PATJ: variants seen among roughly 807,000 people sequenced by gnomAD.
PATJ encodes the protein inaD-like protein.
PATJ carries 190 observed loss-of-function variants against 224.9 expected under a neutral mutation model. That is an observed-to-expected ratio of 0.84 (90% confidence interval 0.75 to 0.95). The LOEUF (loss-of-function observed/expected upper bound fraction) is 0.95, where lower values mean the gene tolerates loss of function less well. Ranked by LOEUF, PATJ falls within the 40% of genes least tolerant of loss-of-function variation. PATJ has a pLI of 0.00. For synonymous variants in PATJ, 769 were observed against 820.3 expected (o/e 0.94, Z 1.07); for missense variants, 2,121 against 2,270.3 (o/e 0.93, Z 1.34).
intron 18 of PATJ, among the ~76,000 whole-genome samples, chr1:61,858,895 C>CTAA (rs1570936129): frequency 6.6e-6 from 1 of 152,138 alleles, no homozygotes; most frequent in South Asian, 2.1e-4. Flanking sequence ...TAGCACATAG[C>CTAA]TAAGTAAGTT....
At chr1:62,014,605 T>A (rs185716587) in intron 28 of PATJ, among the ~76,000 whole-genome samples, 14 of 147,492 alleles carry the variant, frequency 9.5e-5, no homozygotes, top group African/African-American at 3.5e-4. Context: ...CTCACTGTGT[T>A]GCCCAGGCTA....
At position 61,921,236 on chromosome 1, in the gene PATJ, C is replaced by T. The variant is rs372599154; in HGVS notation, c.3571-6494C>T. 2.0e-5 allele frequency among the ~76,000 whole-genome samples: 3 copies of T among 152,248 alleles called. No homozygotes were observed. In the East Asian group the frequency reaches 5.8e-4, roughly 29 times the overall value. ...ACATGGGGGCCAGTCAAGACACTGA[C>T]TCCTTGAGGATTTAAGGAAAGAGTT... On this transcript the variant is annotated intron_variant, in intron 26 of 43. Coordinates refer to ENST00000642238, the MANE Select transcript of PATJ (RefSeq NM_001350145.3).
intron 33 of PATJ, among the ~76,000 whole-genome samples, chr1:62,107,700 G>T (rs141932652): frequency 3.3e-5 from 5 of 152,002 alleles, no homozygotes; most frequent in Non-Finnish European, 5.9e-5. Context: ...AATCCTATAC[G>T]TGGGTACATG....
chr1:62,090,565 T>G (rs6670989), intron 33 of PATJ, among the ~76,000 whole-genome samples: 26,579 of 152,162 alleles, frequency 0.17, 3,084 homozygotes, highest in Non-Finnish European at 0.26. Context: ...TAAGCTATTG[T>G]TATGTTTCTT....
chr1:61,805,516 G>C lies in PATJ; in HGVS notation c.1618G>C (p.Glu540Gln). The change falls in exon 13 of 44, where the codon GAA (glutamate) becomes CAA (glutamine). Residue 540 changes from glutamate to glutamine, a missense_variant. Coordinates refer to ENST00000642238, the MANE Select transcript of PATJ (RefSeq NM_001350145.3). The part of the protein sequence containing the change: ...RWENLLGPDY[E>Q]VMVATLDTQI... The stretch of plus-strand genomic sequence containing the variant: ...GGAAAACCTGTTGGGTCCTGATTAT[G>C]AAGTAATGGTATGTTAAAATGCTCT... The C allele has an allele frequency of 1.3e-6, 2 of 1,576,590 alleles. No homozygotes were observed. The highest frequency in any genetic ancestry group is 2.2e-5 in the South Asian group (2 of 90,298).
At chr1:61,908,684 A>G (rs1672194865) in intron 25 of PATJ, among the ~76,000 whole-genome samples, 1 of 152,092 alleles carries the variant, frequency 6.6e-6, no homozygotes, top group Middle Eastern at 3.2e-3. Flanking sequence ...GAGTCATTAC[A>G]GTGTGCATTG....
chr1:62,018,030 T>G lies in PATJ; in HGVS notation c.3959+83T>G. Reference sequence around the variant, plus strand: ...GTGTAAGACTATGTCATCTTTGATTTGTCTAGCGAAATCACTGTTCCTTCT... The same window carrying G: ...GTGTAAGACTATGTCATCTTTGATTGGTCTAGCGAAATCACTGTTCCTTCT... On this transcript the variant is annotated intron_variant, in intron 29 of 43. Coordinates refer to ENST00000642238, the MANE Select transcript of PATJ (RefSeq NM_001350145.3). The surrounding 1 kb of genome is among the most constrained non-coding windows in gnomAD (Gnocchi z 4.2). The G allele has an allele frequency of 1.4e-6, 1 of 736,894 alleles. No individual in the cohort carries two copies. The highest frequency in any genetic ancestry group is 2.5e-6 in the Non-Finnish European group (1 of 407,814). 45.6% of individuals were successfully genotyped at this position (736,894 alleles called of 1,614,324 possible).
At chr1:61,905,824 T>G (rs78963311) in intron 24 of PATJ, among the ~76,000 whole-genome samples, 39 of 152,264 alleles carry the variant, frequency 2.6e-4, no homozygotes, top group African/African-American at 9.4e-4. Flanking sequence ...CCCCATACAC[T>G]AAGCAGTTCT....
rs576862215 is a variant in PATJ at position 62,042,254 on chromosome 1, T to G, written c.4032+4205T>G. On this transcript the variant is annotated intron_variant, in intron 30 of 43. Transcript: ENST00000642238. ...ATGTTTCTATTGAACCATCACAATT[T>G]GATTATATTCTAGAGAGGGCTTTTT... is the stretch of plus-strand genomic sequence containing the variant. Among the ~76,000 whole-genome samples, 99 of 152,338 alleles carry G rather than the reference T, an allele frequency of 6.5e-4. 1 individual carries two copies. The highest frequency in any genetic ancestry group is 1.1e-3 in the Admixed American group (17 of 15,306).
chr1:61,893,658 C>T (rs1358335930), intron 22 of PATJ, among the ~76,000 whole-genome samples: 3 of 151,678 alleles, frequency 2.0e-5, no homozygotes, highest in African/African-American at 4.8e-5. Flanking sequence ...AAAAATTAGC[C>T]GGGCATGGTA....
At chr1:62,016,992 T>G (rs1646804718) in intron 28 of PATJ, among the ~76,000 whole-genome samples, 1 of 152,242 alleles carries the variant, frequency 6.6e-6, no homozygotes, top group Admixed American at 6.5e-5. Context: ...ACTACTGCTT[T>G]CTTGAAGTTT....
intron 30 of PATJ, among the ~76,000 whole-genome samples, chr1:62,040,443 G>A (rs948317620): frequency 6.6e-6 from 1 of 152,078 alleles, no homozygotes; most frequent in Non-Finnish European, 1.5e-5. Context: ...GGAACTGGGG[G>A]AAAGAGGAGA....
chr1:61,995,239 CCT>C (rs1255211585), intron 28 of PATJ, among the ~76,000 whole-genome samples: 1 of 152,090 alleles, frequency 6.6e-6, no homozygotes, highest in Admixed American at 6.6e-5. Flanking sequence ...TGCTTTACCC[CCT>C]GACACTGTTT....
chr1:62,090,713 T>G (rs1660623916), intron 33 of PATJ, among the ~76,000 whole-genome samples: 1 of 152,144 alleles, frequency 6.6e-6, no homozygotes, highest in African/African-American at 2.4e-5. Flanking sequence ...CTTGTTGGAG[T>G]GTTGAATTTG....
At chr1:61,996,986 C>T (rs1480082790) in intron 28 of PATJ, among the ~76,000 whole-genome samples, 1 of 151,988 alleles carries the variant, frequency 6.6e-6, no homozygotes, top group Non-Finnish European at 1.5e-5. Flanking sequence ...AAGTGATCTG[C>T]CCGCCTTGGC....
At chr1:61,808,564 A>G in intron 14 of PATJ, 34 bp downstream of exon 14, 1 of 1,420,592 alleles carries the variant, frequency 7.0e-7, no homozygotes, top group African/African-American at 1.4e-5. Context: ...TAACAGTTTT[A>G]TTTTTTTTAA....
intron 20 of PATJ, among the ~76,000 whole-genome samples, chr1:61,872,034 T>C (rs1338836795): frequency 6.6e-6 from 1 of 152,270 alleles, no homozygotes; most frequent in East Asian, 1.9e-4. Flanking sequence ...ATATCTCACC[T>C]ATCATACCCA....
At chr1:62,094,119 G>A (rs916078899) in intron 33 of PATJ, among the ~76,000 whole-genome samples, 4 of 152,136 alleles carry the variant, frequency 2.6e-5, no homozygotes, top group African/African-American at 9.7e-5. Context: ...ACACAGCCAG[G>A]CACAGTGGCT....
intron 27 of PATJ, among the ~76,000 whole-genome samples, chr1:61,928,514 T>C (rs1247275533): frequency 6.6e-6 from 1 of 152,140 alleles, no homozygotes; most frequent in Non-Finnish European, 1.5e-5. Flanking sequence ...AACATATGTT[T>C]CCTTAACAGA....
Sources: gnomAD v4.1 joint callset for allele counts (sites outside exome capture counted in the v4.1 genomes callset) on GRCh38, gnomAD v4.1.1 for gene constraint, Gnocchi (gnomAD v3.1) non-coding constraint, MANE v1.5 for transcripts, NCBI Gene and HGNC (gene_info 2026-07-23, HGNC 2026-07-21) for gene names.